Variants in ZFP64 observed in about 807,000 individuals in gnomAD.
The protein encoded by ZFP64 is ZFP64 zinc finger protein.
A neutral mutation model predicts 51.6 loss-of-function variants in ZFP64; 14 were observed. That is an observed-to-expected ratio of 0.27 (90% CI 0.18 to 0.42). The LOEUF is 0.42. ZFP64 is among the 10% of genes least tolerant of loss of function. The pLI, the probability that ZFP64 is intolerant of heterozygous loss-of-function variation, is 1.00. For synonymous variants in ZFP64, 375 were observed against 361.4 expected, an observed-to-expected ratio of 1.04 and a Z score of -0.43; for missense variants, 754 against 906.8, an observed-to-expected ratio of 0.83 and a Z score of 2.16.
chr20:52,086,294 G>A (rs2078863201), intron 8 of ZFP64, among the ~76,000 whole-genome samples: 1 of 152,094 alleles, frequency 6.6e-6, no homozygotes, highest in South Asian at 2.1e-4. Flanking sequence ...TTATAAGTCT[G>A]CTGTCACACT....
At chr20:52,188,193 A>G (rs1984108747) in intron 1 of ZFP64, among the ~76,000 whole-genome samples, 1 of 151,762 alleles carries the variant, frequency 6.6e-6, no homozygotes, top group African/African-American at 2.4e-5. Flanking sequence ...GATTTCCCTG[A>G]TTCAACACTG....
intron 2 of ZFP64, among the ~76,000 whole-genome samples, chr20:52,180,408 A>G (rs545510649): frequency 1.1e-4 from 17 of 152,326 alleles, no homozygotes; most frequent in African/African-American, 4.1e-4. Flanking sequence ...AAGACTAATT[A>G]GTTACAATTG....
chr20:52,086,212 A>C (rs2078862271), intron 8 of ZFP64, among the ~76,000 whole-genome samples: 1 of 152,228 alleles, frequency 6.6e-6, no homozygotes. Flanking sequence ...CCAACTATAA[A>C]TAATTTAAAT....
At chr20:52,102,618 A>C (rs1434938373) in intron 5 of ZFP64, among the ~76,000 whole-genome samples, 1 of 152,246 alleles carries the variant, frequency 6.6e-6, no homozygotes, top group Non-Finnish European at 1.5e-5. Flanking sequence ...TTAATTCCAC[A>C]GAAGTCAAGC....
chr20:52,119,576 A>AACACACACACACACACATACATACAT (rs1555802580), intron 5 of ZFP64, among the ~76,000 whole-genome samples: 1 of 132,554 alleles, frequency 7.5e-6, no homozygotes, highest in Admixed American at 7.9e-5. Context: ...ATACACACAC[A>AACACACACACACACACATACATACAT]ACACACACAC....
intron 3 of ZFP64, 75 bp downstream of exon 3, chr20:52,165,789 A>T (rs1356010981): frequency 2.5e-6 from 4 of 1,583,244 alleles, no homozygotes; most frequent in African/African-American, 1.4e-5. Flanking sequence ...GTTGTCAGGA[A>T]CTCATGAGGA....
intron 5 of ZFP64, among the ~76,000 whole-genome samples, chr20:52,116,141 C>CT (rs111516602): frequency 0.18 from 25,386 of 143,426 alleles, 2,277 homozygotes; most frequent in Non-Finnish European, 0.21. Flanking sequence ...GTCAATATTT[C>CT]TTTTTTTTTT....
intron 5 of ZFP64, chr20:52,117,667 T>C (rs1393708114): frequency 2.2e-6 from 1 of 456,674 alleles, no homozygotes; most frequent in Admixed American, 2.3e-5. Flanking sequence ...ATGTGACTTC[T>C]TCTATGAACA....
intron 5 of ZFP64, among the ~76,000 whole-genome samples, chr20:52,101,787 T>TC (rs1443055938): frequency 1.3e-5 from 2 of 151,526 alleles, no homozygotes; most frequent in African/African-American, 2.4e-5. Flanking sequence ...CAAAGGGTGG[T>TC]CCCTAGAGCA....
chr20:52,174,673 C>G (rs149527915), intron 2 of ZFP64, among the ~76,000 whole-genome samples: 2 of 152,212 alleles, frequency 1.3e-5, no homozygotes, highest in East Asian at 3.9e-4. Flanking sequence ...AATAGTTTAA[C>G]CATTTCCCTT....
chr20:52,084,264 GCTATCC>G, exon 9 of ZFP64: 1 of 389,934 alleles, frequency 2.6e-6, no homozygotes, highest in Non-Finnish European at 4.6e-6. Flanking sequence ...TTACGTAGAA[GCTATCC>G]CCATTGGATA....
At chr20:52,168,888 G>GT (rs1391631350) in intron 2 of ZFP64, among the ~76,000 whole-genome samples, 1 of 152,196 alleles carries the variant, frequency 6.6e-6, no homozygotes, top group Admixed American at 6.5e-5. Flanking sequence ...TGCAGCTGAG[G>GT]TAAGAAAAAT....
chr20:52,178,575 T>C (rs1008762853), intron 2 of ZFP64, among the ~76,000 whole-genome samples: 1 of 152,078 alleles, frequency 6.6e-6, no homozygotes, highest in Non-Finnish European at 1.5e-5. Context: ...TTTCAATGGA[T>C]CCCCAGCTCC....
chr20:52,127,613 G>C (rs1979509300), intron 5 of ZFP64, among the ~76,000 whole-genome samples: 1 of 152,174 alleles, frequency 6.6e-6, no homozygotes, highest in African/African-American at 2.4e-5. Flanking sequence ...ATGCTGAACT[G>C]TGAGTTGATT....
chr20:52,135,686 G>A (rs559845106), intron 5 of ZFP64, among the ~76,000 whole-genome samples: 23 of 151,624 alleles, frequency 1.5e-4, no homozygotes, highest in East Asian at 6.0e-4. Flanking sequence ...GCAGGGTTTC[G>A]ACATGTTGCC....
intron 3 of ZFP64, chr20:52,164,984 T>C (rs748743920): frequency 3.8e-5 from 25 of 662,564 alleles, no homozygotes; most frequent in Middle Eastern, 4.8e-4. Flanking sequence ...AAACATCAAA[T>C]AAACCCAAAC....
At chr20:52,119,456 G>A (rs6096769) in intron 5 of ZFP64, among the ~76,000 whole-genome samples, 26,305 of 149,538 alleles carry the variant, frequency 0.18, 2,531 homozygotes, top group Non-Finnish European at 0.22. Context: ...CCCAGGAGGC[G>A]GAGGTTGCAG....
intron 5 of ZFP64, among the ~76,000 whole-genome samples, chr20:52,126,609 C>T (rs1238232693): frequency 6.6e-6 from 1 of 152,210 alleles, no homozygotes; most frequent in Non-Finnish European, 1.5e-5. Context: ...TCTCATTGAG[C>T]ATTCAACATA....
intron 1 of ZFP64, among the ~76,000 whole-genome samples, 194 bp from the exon 2 acceptor site, chr20:52,187,265 C>A (rs975137300): frequency 8.5e-5 from 13 of 152,124 alleles, no homozygotes; most frequent in Admixed American, 7.9e-4. Context: ...TATTTCCACA[C>A]AGAGATTTCT....
Sources: gnomAD v4.1 joint callset for allele counts (sites outside exome capture counted in the v4.1 genomes callset) on GRCh38, gnomAD v4.1.1 for gene constraint, MANE v1.5 for transcripts, NCBI Gene and HGNC (gene_info 2026-07-23, HGNC 2026-07-21) for gene names.